PARPBP: variants seen among roughly 807,000 people sequenced by gnomAD.
The protein encoded by PARPBP is PCNA-interacting partner.
A neutral mutation model predicts 50.0 loss-of-function variants in PARPBP; 52 were observed. The observed-to-expected ratio is 1.04, with a 90% CI of 0.83 to 1.31. The LOEUF is 1.31. Ranked by LOEUF, PARPBP falls within the 50% of genes most tolerant of loss-of-function variation. The pLI is 0.00. For synonymous variants in PARPBP, 244 were observed against 232.1 expected, an observed-to-expected ratio of 1.05 and a Z score of -0.47; for missense variants, 697 against 672.0, an observed-to-expected ratio of 1.04 and a Z score of -0.41.
intron 5 of PARPBP, 195 bp downstream of exon 5, chr12:102,164,803 G>A: frequency 1.7e-6 from 1 of 600,552 alleles, no homozygotes; most frequent in Non-Finnish European, 3.0e-6. Flanking sequence ...CTAAAGCAGT[G>A]TTTCCTTACA....
intron 2 of PARPBP, among the ~76,000 whole-genome samples, chr12:102,139,489 G>A (rs542587067): frequency 1.3e-5 from 2 of 152,282 alleles, no homozygotes; most frequent in African/African-American, 4.8e-5. Flanking sequence ...TCTCCTGCCT[G>A]ATTGCCCTGG....
intron 4 of PARPBP, among the ~76,000 whole-genome samples, chr12:102,159,472 GCTTCAGTCTTGCAGAGAAATATTTTGA>G (rs1887331113): frequency 6.6e-6 from 1 of 152,118 alleles, no homozygotes; most frequent in Non-Finnish European, 1.5e-5. Context: ...GAATTTTTGG[GCTTCAGTCTTGCAGAGAAATATTTTGA>G]CCATCAAATG....
Position 102,165,818 on chromosome 12 carries a change from A to T in PARPBP, c.756A>T (p.Gly252=). 1 of 1,585,556 alleles carries T rather than the reference A, an allele frequency of 6.3e-7. No individual in the cohort carries two copies. Among genetic ancestry groups the T allele is most frequent in the South Asian group, 1.1e-5 (1 of 90,052 alleles). The part of the protein sequence containing the change: ...PSDPLRTHVK[G]LSNFINFIDK... ...ATCCTTTAAGGACACATGTAAAGGG[A>T]TTGTCTAATTTTATTAATTTCATTG... Residue 252 remains glycine (G), a synonymous_variant, in exon 6 of 11, where the codon GGA becomes GGT. Transcript: ENST00000327680.
At chr12:102,127,955 T>C (rs910703136) in intron 2 of PARPBP, among the ~76,000 whole-genome samples, 1 of 152,220 alleles carries the variant, frequency 6.6e-6, no homozygotes, top group African/African-American at 2.4e-5. Flanking sequence ...TTTTGAAATA[T>C]GTATACATTG....
At chr12:102,141,070 G>A (rs1190589887) in intron 2 of PARPBP, among the ~76,000 whole-genome samples, 5 of 152,150 alleles carry the variant, frequency 3.3e-5, no homozygotes, top group African/African-American at 1.2e-4. Flanking sequence ...TCTATCTAAT[G>A]TTGACAGTGG....
chr12:102,154,027 C>T, intron 4 of PARPBP, 51 bp downstream of exon 4: 1 of 1,098,628 alleles, frequency 9.1e-7, no homozygotes, highest in Non-Finnish European at 1.4e-6. Context: ...CCTTTCAAAT[C>T]ACTGAATTTG....
chr12:102,170,042 G>C (rs1057266881), intron 6 of PARPBP, among the ~76,000 whole-genome samples: 1 of 152,164 alleles, frequency 6.6e-6, no homozygotes, highest in South Asian at 2.1e-4. Context: ...AACACTCATC[G>C]CCCCACTGCC....
Position 102,197,390 on chromosome 12 carries a change from G to T in PARPBP, c.*1099G>T. ...ACCTGGCATGTAAGAAATATCGTCA[G>T]TCGTCCTAATGCATATTGTGACTGT... On this transcript the variant is annotated 3_prime_UTR_variant, in exon 11 of 11. Coordinates refer to ENST00000327680, the MANE Select transcript of PARPBP (RefSeq NM_017915.5). 1.1e-6 allele frequency: 1 copy of T among 881,650 alleles called. No individual in the cohort carries two copies. The allele number at this position is 881,650 out of a possible 1,614,324, so 54.6% of individuals were successfully genotyped here.
intron 2 of PARPBP, among the ~76,000 whole-genome samples, chr12:102,135,424 A>T (rs1007049047): frequency 6.7e-6 from 1 of 149,996 alleles, no homozygotes; most frequent in African/African-American, 2.4e-5. Flanking sequence ...AGGCGCCTGT[A>T]GTTCCAGCTA....
At chr12:102,144,983 C>T (rs970290888) in intron 2 of PARPBP, among the ~76,000 whole-genome samples, 6 of 152,086 alleles carry the variant, frequency 3.9e-5, no homozygotes, top group South Asian at 4.1e-4. Flanking sequence ...TTTCATGACA[C>T]AACAGGCCCC....
chr12:102,141,836 C>A (rs1024690150), intron 2 of PARPBP, among the ~76,000 whole-genome samples: 1 of 152,162 alleles, frequency 6.6e-6, no homozygotes, highest in African/African-American at 2.4e-5. Flanking sequence ...TGGCTTGTAG[C>A]GTTTCTGCCG....
intron 2 of PARPBP, among the ~76,000 whole-genome samples, chr12:102,136,191 C>T (rs1014393862): frequency 6.6e-6 from 1 of 152,084 alleles, no homozygotes. Flanking sequence ...TTAATTTATT[C>T]TTCTTTGGTA....
At chr12:102,167,708 G>A (rs532750806) in intron 6 of PARPBP, among the ~76,000 whole-genome samples, 15 of 152,078 alleles carry the variant, frequency 9.9e-5, no homozygotes, top group African/African-American at 1.9e-4. Flanking sequence ...ATAGGTCCAC[G>A]TTGATGCTGA....
At chr12:102,158,210 A>C (rs1348856922) in intron 4 of PARPBP, among the ~76,000 whole-genome samples, 1 of 150,706 alleles carries the variant, frequency 6.6e-6, no homozygotes, top group East Asian at 1.9e-4. Context: ...ATAAAGCTTT[A>C]TCTTATCAAA....
At chr12:102,147,735 T>A (rs1376515444) in intron 2 of PARPBP, among the ~76,000 whole-genome samples, 4 of 151,698 alleles carry the variant, frequency 2.6e-5, no homozygotes, top group African/African-American at 7.3e-5. Flanking sequence ...ATAAAAAAAA[T>A]TAATCTTTAT....
chr12:102,132,160 A>G (rs1429798325), intron 2 of PARPBP, among the ~76,000 whole-genome samples: 1 of 151,576 alleles, frequency 6.6e-6, no homozygotes, highest in African/African-American at 2.4e-5. Context: ...AGCTGAAGTC[A>G]CGCCATTGCG....
At chr12:102,124,786 T>G (rs901629523) in intron 2 of PARPBP, among the ~76,000 whole-genome samples, 3 of 152,214 alleles carry the variant, frequency 2.0e-5, no homozygotes, top group Non-Finnish European at 4.4e-5. Flanking sequence ...TGAAATGACA[T>G]TCTGATGAGT....
intron 8 of PARPBP, among the ~76,000 whole-genome samples, chr12:102,180,240 A>G (rs535668090): frequency 7.2e-4 from 109 of 152,330 alleles, no homozygotes; most frequent in African/African-American, 2.5e-3. Flanking sequence ...GAAATAAATG[A>G]ACTTTTATTT....
intron 9 of PARPBP, 26 bp from the exon 10 acceptor site, chr12:102,195,286 A>G (rs1891184205): frequency 7.1e-7 from 1 of 1,400,272 alleles, no homozygotes; most frequent in Non-Finnish European, 9.9e-7. Flanking sequence ...AAATTTGCAT[A>G]TTTTCTTCTT....
Sources: gnomAD v4.1 joint callset for allele counts (sites outside exome capture counted in the v4.1 genomes callset) on GRCh38, gnomAD v4.1.1 for gene constraint, MANE v1.5 for transcripts, NCBI Gene and HGNC (gene_info 2026-07-23, HGNC 2026-07-21) for gene names.